The following MCCC1 variants were observed in gnomAD, a reference collection of about 807,000 sequenced individuals.
MCCC1 encodes methylcrotonoyl-CoA carboxylase subunit alpha, mitochondrial.
A neutral mutation model predicts 83.8 loss-of-function variants in MCCC1; 64 were observed. The ratio of observed to expected loss-of-function variants is 0.76; its 90% confidence interval spans 0.62 to 0.94. The LOEUF (loss-of-function observed/expected upper bound fraction) is 0.94. Among genes scored for constraint, MCCC1 ranks in the 40% least tolerant of loss-of-function variants. MCCC1 has a pLI of 0.00. For synonymous variants in MCCC1, 322 were observed against 315.4 expected (o/e 1.02, Z -0.22); for missense variants, 807 against 904.7 (o/e 0.89, Z 1.39).
intron 1 of MCCC1, among the ~76,000 whole-genome samples, chr3:183,095,509 T>C (rs1226895321): frequency 6.6e-6 from 1 of 152,208 alleles, no homozygotes; most frequent in Admixed American, 6.5e-5. Flanking sequence ...TCCGAGTCCC[T>C]CCAATGACCA....
intron 10 of MCCC1, among the ~76,000 whole-genome samples, chr3:183,044,272 A>C (rs1047892079): frequency 3.3e-5 from 5 of 152,230 alleles, no homozygotes; most frequent in Admixed American, 1.3e-4. Flanking sequence ...CTAAAGTAAA[A>C]TCTATTGTTC....
At chr3:183,034,762 C>A (rs1441099785) in intron 13 of MCCC1, among the ~76,000 whole-genome samples, 1 of 149,404 alleles carries the variant, frequency 6.7e-6, no homozygotes, top group Non-Finnish European at 1.5e-5. Context: ...TGTTGTTGGC[C>A]CAGCCCTTAT....
chr3:183,104,296 C>T (rs1265624057), upstream of MCCC1, among the ~76,000 whole-genome samples: 1 of 152,136 alleles, frequency 6.6e-6, no homozygotes, highest in Non-Finnish European at 1.5e-5. Flanking sequence ...ACTGCCAGCA[C>T]GCTGTCACCT....
chr3:183,026,333 C>T (rs1040774005), intron 14 of MCCC1, among the ~76,000 whole-genome samples: 13 of 152,226 alleles, frequency 8.5e-5, no homozygotes, highest in African/African-American at 1.2e-4. Context: ...TGAGTCACCA[C>T]ATCCAGGCTT....
upstream of MCCC1, among the ~76,000 whole-genome samples, chr3:183,104,465 A>G (rs200857149): frequency 4.3e-5 from 2 of 46,088 alleles, no homozygotes; most frequent in Admixed American, 2.1e-4. Flanking sequence ...GCTATAATGG[A>G]AAAAAAAAGG....
At chr3:183,106,270 G>A (rs893176463) in intron 1 of MCCC1, among the ~76,000 whole-genome samples, 5 of 151,914 alleles carry the variant, frequency 3.3e-5, no homozygotes, top group African/African-American at 1.2e-4. Flanking sequence ...TACTCCTCAT[G>A]TTTTCCTTTA....
chr3:183,109,581 T>C (rs1360201425), intron 1 of MCCC1, among the ~76,000 whole-genome samples: 1 of 152,166 alleles, frequency 6.6e-6, no homozygotes, highest in Admixed American at 6.5e-5. Flanking sequence ...GCAAAGGACA[T>C]GATTTCTTTC....
chr3:183,096,484 TA>T (rs1718745900), intron 1 of MCCC1, among the ~76,000 whole-genome samples: 1 of 152,176 alleles, frequency 6.6e-6, no homozygotes, highest in Admixed American at 6.5e-5. Context: ...AAGCACAAGA[TA>T]AAAGCACAGC....
chr3:183,086,645 G>A, intron 4 of MCCC1, 48 bp downstream of exon 4: 1 of 1,539,980 alleles, frequency 6.5e-7, no homozygotes, highest in Non-Finnish European at 9.0e-7. Context: ...TGCATCAGTT[G>A]CACAAAACGT....
chr3:183,101,383 G>A (rs1295826728), upstream of MCCC1, among the ~76,000 whole-genome samples: 2 of 152,204 alleles, frequency 1.3e-5, no homozygotes, highest in African/African-American at 4.8e-5. Context: ...TGGGGACGTG[G>A]AGAGTCTTTA....
intron 1 of MCCC1, among the ~76,000 whole-genome samples, chr3:183,107,796 C>T (rs956117477): frequency 2.6e-5 from 4 of 151,924 alleles, no homozygotes; most frequent in African/African-American, 7.3e-5. Flanking sequence ...GTGATCCGCC[C>T]GCCTCAGTCT....
At chr3:183,038,041 T>C (rs995481158) in intron 12 of MCCC1, among the ~76,000 whole-genome samples, 2 of 152,206 alleles carry the variant, frequency 1.3e-5, no homozygotes, top group Admixed American at 6.5e-5. Flanking sequence ...ATTCCTTCAT[T>C]CATTTAACAG....
At chr3:183,072,287 C>T in intron 5 of MCCC1, 79 bp downstream of exon 5, 1 of 1,531,584 alleles carries the variant, frequency 6.5e-7, no homozygotes, top group Non-Finnish European at 9.0e-7. Flanking sequence ...ACTGGTATTA[C>T]AGGCATAGCC....
At chr3:183,060,829 GT>G (rs58052721) in intron 7 of MCCC1, among the ~76,000 whole-genome samples, 136,341 of 152,062 alleles carry the variant, frequency 0.9, 61,487 homozygotes, top group East Asian at 1. Flanking sequence ...GCGGTGTTCC[GT>G]TTTTTTGTCC....
At chr3:183,017,516 T>C in intron 17 of MCCC1, 179 bp from the exon 18 acceptor site, 1 of 632,504 alleles carries the variant, frequency 1.6e-6, no homozygotes, top group Non-Finnish European at 2.7e-6. Flanking sequence ...AGGTCCTTTG[T>C]GGTCCACAGA....
At chr3:183,104,053 C>G (rs908519729), upstream of MCCC1, among the ~76,000 whole-genome samples, 3 of 152,172 alleles carry the variant, frequency 2.0e-5, no homozygotes, top group Admixed American at 2.0e-4. Context: ...CGAGGCCCAC[C>G]AAGCCTACGC....
intron 1 of MCCC1, among the ~76,000 whole-genome samples, chr3:183,113,771 T>A (rs929102042): frequency 6.6e-6 from 1 of 151,468 alleles, no homozygotes; most frequent in Non-Finnish European, 1.5e-5. Flanking sequence ...TTTCCCAGAG[T>A]TCTGGGAGCC....
intron 1 of MCCC1, among the ~76,000 whole-genome samples, chr3:183,107,494 T>G (rs1330898962): frequency 6.6e-6 from 1 of 151,718 alleles, no homozygotes; most frequent in Admixed American, 6.6e-5. Flanking sequence ...TTTGTATTGA[T>G]TCCTCTGTTT....
In MCCC1 at chr3:183,071,139, T is replaced by G. The variant is rs1321383210; in HGVS notation, c.640-19A>C. On this transcript the variant is annotated intron_variant, in intron 6 of 18. Transcript: ENST00000265594. Reference sequence around the variant, plus strand: ...TCATTCCCTAAGAGAGAAAAGATGATTATGACTACAACATAAATAAAACAA... The same window carrying G: ...TCATTCCCTAAGAGAGAAAAGATGAGTATGACTACAACATAAATAAAACAA... 1 of 1,614,206 alleles carries G rather than the reference T, an allele frequency of 6.2e-7. No homozygotes were observed. Among genetic ancestry groups the G allele is most frequent in the Non-Finnish European group, 8.5e-7 (1 of 1,180,032 alleles).
Sources: allele counts gnomAD v4.1 joint callset (sites outside exome capture counted in the v4.1 genomes callset), GRCh38; gene constraint gnomAD v4.1.1; transcripts MANE v1.5; gene names NCBI Gene and HGNC (gene_info 2026-07-23, HGNC 2026-07-21).